The following PHKB variants were observed in gnomAD, a reference collection of about 807,000 sequenced individuals.
PHKB encodes the protein phosphorylase b kinase regulatory subunit beta.
PHKB carries 122 observed loss-of-function variants against 152.1 expected under a neutral mutation model. The observed-to-expected ratio is 0.80, with a 90% CI of 0.69 to 0.93. The LOEUF is 0.93. Ranked by LOEUF, PHKB falls within the 40% of genes least tolerant of loss-of-function variation. PHKB has a pLI of 0.00. For missense variants in PHKB, 1,304 were observed against 1,328.4 expected (o/e 0.98, Z 0.29); for synonymous variants, 436 against 464.9 (o/e 0.94, Z 0.80).
chr16:47,595,948 A>G (rs1473208977), intron 12 of PHKB, among the ~76,000 whole-genome samples: 1 of 152,184 alleles, frequency 6.6e-6, no homozygotes, highest in East Asian at 1.9e-4. Flanking sequence ...TCTAATCATT[A>G]CAGTGTCTTG....
intron 14 of PHKB, among the ~76,000 whole-genome samples, chr16:47,612,452 G>A (rs1972445285): frequency 6.6e-6 from 1 of 152,138 alleles, no homozygotes; most frequent in Non-Finnish European, 1.5e-5. Flanking sequence ...AAATTTTGGT[G>A]TACAATATAC....
chr16:47,489,925 C>T (rs1235926195), intron 1 of PHKB, among the ~76,000 whole-genome samples: 2 of 152,144 alleles, frequency 1.3e-5, no homozygotes, highest in Non-Finnish European at 2.9e-5. Context: ...AGATAGTTTC[C>T]AGGTTCATGA....
Position 47,463,678 on chromosome 16 carries a change from G to T in PHKB, c.76+2252G>T. ...ACTTTTATGTAATGTCTAATAAGTG[G>T]ATATTATATAGTTTCTATCTCATCC... On this transcript the variant is annotated intron_variant, in intron 1 of 30. Transcript: ENST00000323584. 3 of 499,564 alleles carry T rather than the reference G, an allele frequency of 6.0e-6. No homozygotes were observed. In the South Asian group the frequency reaches 6.3e-5, roughly 11 times the overall value. 30.9% of individuals were successfully genotyped at this position (499,564 alleles called of 1,614,324 possible). A position where few individuals can be genotyped will look rare whatever the true frequency, so the allele number is the denominator to read the frequency against.
At chr16:47,471,436 A>G (rs556923782) in intron 1 of PHKB, among the ~76,000 whole-genome samples, 3 of 152,280 alleles carry the variant, frequency 2.0e-5, no homozygotes, top group Admixed American at 6.5e-5. Context: ...TCTGTCTGTT[A>G]TGTAAAAATA....
At chr16:47,647,369 C>A (rs1973149705) in intron 16 of PHKB, among the ~76,000 whole-genome samples, 1 of 152,180 alleles carries the variant, frequency 6.6e-6, no homozygotes, top group Non-Finnish European at 1.5e-5. Context: ...GGTGATCCAC[C>A]CACCTCAGCC....
At chr16:47,615,115 C>G (rs1264327004) in intron 14 of PHKB, among the ~76,000 whole-genome samples, 1 of 152,186 alleles carries the variant, frequency 6.6e-6, no homozygotes, top group Non-Finnish European at 1.5e-5. Context: ...GTTTCCTCTA[C>G]AGATAATGCC....
rs144849567 is a variant in PHKB, at chr16:47,492,878, T to C, written c.77-4521T>C. Among the ~76,000 whole-genome samples the C allele has an allele frequency of 5.5e-3, 834 of 152,330 alleles. 6 individuals carry two copies. The highest frequency in any genetic ancestry group is 0.01 in the Middle Eastern group (3 of 294). ...GCTAAACTGTTGTAGGACTTTCTCCTTAGTTCACCTAAAAATGGGGTCCTT... is the reference window on the plus strand; with the variant it reads ...GCTAAACTGTTGTAGGACTTTCTCCCTAGTTCACCTAAAAATGGGGTCCTT... On this transcript the variant is annotated intron_variant, in intron 1 of 30. Coordinates refer to ENST00000323584, the MANE Select transcript of PHKB (RefSeq NM_000293.3).
At position 47,641,678 on chromosome 16, in the gene PHKB, C is replaced by G. The variant is rs1409932848; in HGVS notation, c.1594C>G (p.Gln532Glu). The change falls in exon 16 of 31, where the codon CAG becomes GAG. Residue 532 changes from glutamine (Q) to glutamate (E), a missense_variant. Physicochemically the swap from Gln to Glu is conservative, Grantham distance 29. Transcript: ENST00000323584. Reference protein sequence around the residue: ...QVEPIQIWPQQELVKAYLQLG... With the variant: ...QVEPIQIWPQEELVKAYLQLG... ...AGAACCCATTCAGATATGGCCTCAG[C>G]AGGAGCTTGTGAAAGTAAGTGATTC... 6.3e-7 allele frequency: 1 copy of G among 1,580,086 alleles called. No homozygotes were observed.
chr16:47,471,724 A>T (rs1227442936), intron 1 of PHKB, among the ~76,000 whole-genome samples: 1 of 152,240 alleles, frequency 6.6e-6, no homozygotes, highest in Non-Finnish European at 1.5e-5. Context: ...TAAACGGAGA[A>T]TAAACTAACT....
chr16:47,623,826 G>A (rs966148094), intron 14 of PHKB, among the ~76,000 whole-genome samples: 3 of 152,096 alleles, frequency 2.0e-5, no homozygotes, highest in Non-Finnish European at 4.4e-5. Context: ...CCAAAGTACT[G>A]GGATTACAGG....
chr16:47,570,482 T>C (rs1971639598), intron 7 of PHKB, among the ~76,000 whole-genome samples: 1 of 152,178 alleles, frequency 6.6e-6, no homozygotes, highest in South Asian at 2.1e-4. Flanking sequence ...TTTCTTTGTA[T>C]TCTTTTTCCT....
intron 14 of PHKB, among the ~76,000 whole-genome samples, chr16:47,630,173 TA>T (rs971922691): frequency 1.1e-4 from 17 of 150,480 alleles, no homozygotes; most frequent in East Asian, 3.9e-4. Context: ...TTAAAGTATA[TA>T]AAAAAAAAGA....
At chr16:47,580,558 TAAAAAAAAA>T in intron 8 of PHKB, among the ~76,000 whole-genome samples, 200 bp downstream of exon 8, 1 of 131,894 alleles carries the variant, frequency 7.6e-6, no homozygotes, top group South Asian at 2.4e-4. Context: ...TTAATTTCTT[TAAAAAAAAA>T]AAAAAAAAGA....
intron 20 of PHKB, among the ~76,000 whole-genome samples, chr16:47,653,029 A>G (rs1973267539): frequency 6.6e-6 from 1 of 151,726 alleles, no homozygotes; most frequent in African/African-American, 2.4e-5. Context: ...TGTGTAGGAG[A>G]AAGATTCTTG....
intron 18 of PHKB, 112 bp from the exon 19 acceptor site, chr16:47,650,432 T>A (rs1597150817): frequency 1.4e-6 from 1 of 728,832 alleles, no homozygotes; most frequent in East Asian, 2.6e-5. Flanking sequence ...AGGGTTGGAT[T>A]GTGAACTGTC....
intron 13 of PHKB, among the ~76,000 whole-genome samples, chr16:47,604,441 A>G (rs1427291235): frequency 1.3e-5 from 2 of 149,698 alleles, no homozygotes; most frequent in African/African-American, 5.1e-5. Flanking sequence ...ACACACACAC[A>G]TGTATTTGGA....
Position 47,596,684 on chromosome 16 carries a change from A to AT in PHKB, c.1363+154dup, listed in dbSNP as rs1162985420. On this transcript the variant is annotated intron_variant, in intron 13 of 30. Transcript: ENST00000323584. Reference sequence around the variant, plus strand: ...TTTCCTAGTATCTAGTGGTATATTAATATATCTATTTCACTGAATGATGAT... The same window carrying AT: ...TTTCCTAGTATCTAGTGGTATATTAATTATATCTATTTCACTGAATGATGAT... 3.9e-5 allele frequency among the ~76,000 whole-genome samples: 6 copies of AT among 152,214 alleles called. No homozygotes were observed. In the East Asian group the frequency reaches 1.2e-3, roughly 29 times the overall value.
In PHKB at chr16:47,461,415, C is replaced by G; in HGVS notation, c.65C>G (p.Thr22Ser). The change falls in exon 1 of 31, where the codon ACC becomes AGC. Residue 22 changes from threonine to serine, a missense_variant. Thr to Ser is a moderately conservative substitution (Grantham distance 58). Transcript: ENST00000323584. ...AAGGTCTTGGAGCGAAGAGCTCGGA[C>G]CAAGCGCTCAGGTTTGGCTGGCTGG... The part of the protein sequence containing the change: ...SWKVLERRAR[T>S]KRSGSVYEPL... 6.2e-7 allele frequency: 1 copy of G among 1,613,282 alleles called. No homozygotes were observed. Among genetic ancestry groups the G allele is most frequent in the South Asian group, 1.1e-5 (1 of 91,054 alleles).
intron 30 of PHKB, among the ~76,000 whole-genome samples, chr16:47,698,942 A>G (rs1348748195): frequency 6.6e-6 from 1 of 152,166 alleles, no homozygotes; most frequent in South Asian, 2.1e-4. Flanking sequence ...GGTGCTGCGT[A>G]CTGCCTAATA....
Sources: gnomAD v4.1 joint callset for allele counts (sites outside exome capture counted in the v4.1 genomes callset) on GRCh38, gnomAD v4.1.1 for gene constraint, MANE v1.5 for transcripts, NCBI Gene and HGNC (gene_info 2026-07-23, HGNC 2026-07-21) for gene names.